TUSC3: variants seen among roughly 807,000 people sequenced by gnomAD.
TUSC3 encodes the protein tumor suppressor candidate 3, also known as dolichyl-diphosphooligosaccharide--protein glycosyltransferase subunit TUSC3.
Under a neutral mutation model 44.8 loss-of-function variants are expected in TUSC3, and 45 were observed. The ratio of observed to expected loss-of-function variants is 1.00; its 90% CI spans 0.79 to 1.29. The LOEUF (loss-of-function observed/expected upper bound fraction) is 1.29. TUSC3 is among the 50% of genes most tolerant of loss of function. The pLI is 0.00. For missense variants in TUSC3, 519 were observed against 437.9 expected (o/e 1.19, Z -1.65); for synonymous variants, 212 against 152.9 (o/e 1.39, Z -2.85).
chr8:15,577,524 C>G (rs1803165135), intron 1 of TUSC3, among the ~76,000 whole-genome samples: 1 of 150,134 alleles, frequency 6.7e-6, no homozygotes, highest in Non-Finnish European at 1.5e-5. Flanking sequence ...TTTCAGCTTT[C>G]TACATATGGC....
At chr8:15,738,827 C>CTTTTTTTTTTCTTTTTTTT (rs1373248681) in intron 7 of TUSC3, among the ~76,000 whole-genome samples, 7 of 87,154 alleles carry the variant, frequency 8.0e-5, no homozygotes, top group East Asian at 3.7e-4. Flanking sequence ...ATATATCTTG[C>CTTTTTTTTTTCTTTTTTTT]TTTTTTTTTT....
intron 2 of TUSC3, among the ~76,000 whole-genome samples, chr8:15,649,494 GA>G (rs2129175105): frequency 6.6e-6 from 1 of 151,754 alleles, no homozygotes; most frequent in Admixed American, 6.6e-5. Context: ...TGAGGCAGGA[GA>G]ATGGCATGAT....
chr8:15,585,246 C>T (rs1354626044), intron 1 of TUSC3, among the ~76,000 whole-genome samples: 1 of 152,080 alleles, frequency 6.6e-6, no homozygotes, highest in Admixed American at 6.6e-5. Context: ...AGATCCATGG[C>T]ATTTGAAGTC....
chr8:15,683,240 T>C (rs1231896166), intron 6 of TUSC3, among the ~76,000 whole-genome samples: 2 of 152,208 alleles, frequency 1.3e-5, no homozygotes, highest in Non-Finnish European at 2.9e-5. Flanking sequence ...TCCTCAAATA[T>C]GTTTTCCATG....
At chr8:15,662,389 A>G in intron 5 of TUSC3, 93 bp downstream of exon 5, 2 of 1,538,814 alleles carry the variant, frequency 1.3e-6, no homozygotes, top group South Asian at 1.1e-5. Flanking sequence ...ATATAACTAT[A>G]ATAGAACTTA....
At chr8:15,445,975 C>G (rs1239733221) in intron 1 of TUSC3, among the ~76,000 whole-genome samples, 2 of 150,798 alleles carry the variant, frequency 1.3e-5, no homozygotes, top group South Asian at 4.2e-4. Flanking sequence ...GCGGATGGGG[C>G]AGCTGCCCGG....
intron 3 of TUSC3, among the ~76,000 whole-genome samples, chr8:15,658,635 T>TACACACAC (rs1210424677): frequency 8.7e-6 from 1 of 114,310 alleles, no homozygotes. Context: ...TATACACATA[T>TACACACAC]ATATACACAC....
rs188152895 is a variant in TUSC3 at position 15,648,032 on chromosome 8, C to T, written c.309-2665C>T. Among the ~76,000 whole-genome samples, 243 of 152,252 alleles carry T rather than the reference C, an allele frequency of 1.6e-3. 3 individuals carry two copies. Among genetic ancestry groups the T allele is most frequent in the South Asian group, 5.0e-3 (24 of 4,830 alleles). On this transcript the variant is annotated intron_variant, in intron 2 of 10. Transcript: ENST00000503731. The stretch of plus-strand genomic sequence containing the variant: ...CTGGGAAATGATTTTAATTTGAAGA[C>T]TTAATCTCCTTTAATTGTATTGTTT...
At chr8:15,431,611 T>C (rs952267332) in intron 1 of TUSC3, among the ~76,000 whole-genome samples, 1 of 148,548 alleles carries the variant, frequency 6.7e-6, no homozygotes, top group African/African-American at 2.6e-5. Flanking sequence ...GGATTATGTC[T>C]TGTACAAACA....
At chr8:15,539,502 C>T (rs1801599675), upstream of TUSC3, among the ~76,000 whole-genome samples, 2 of 151,772 alleles carry the variant, frequency 1.3e-5, no homozygotes, top group South Asian at 4.2e-4. Context: ...CAAGGCGCTC[C>T]ACCATGCCCG....
chr8:15,436,584 C>G (rs576086068), intron 1 of TUSC3, among the ~76,000 whole-genome samples: 2 of 152,138 alleles, frequency 1.3e-5, no homozygotes, highest in South Asian at 4.1e-4. Flanking sequence ...GTATGGAGTA[C>G]AGAGCATGAT....
rs111721231 is a variant in TUSC3, at chr8:15,692,693, C to T, written c.798+18857C>T. Among the ~76,000 whole-genome samples the T allele has an allele frequency of 1.5e-3, 227 of 149,788 alleles. 1 individual carries two copies. Among genetic ancestry groups the T allele is most frequent in the Non-Finnish European group, 2.6e-3 (176 of 67,574 alleles). ...TTTTTTCTATTTCCATGGAGTCAGT[C>T]GTAGCACCCCCTTTGTCATTTCTGA... On this transcript the variant is annotated intron_variant, in intron 6 of 10. Coordinates refer to ENST00000503731, the MANE Select transcript of TUSC3 (RefSeq NM_006765.4).
intron 2 of TUSC3, among the ~76,000 whole-genome samples, chr8:15,489,847 C>T (rs1238798110): frequency 6.6e-6 from 1 of 152,188 alleles, no homozygotes; most frequent in Non-Finnish European, 1.5e-5. Context: ...GGGGTCCATT[C>T]AGTCCCTTGG....
the TUSC3 span, among the ~76,000 whole-genome samples, chr8:15,821,370 T>A: frequency 1.3e-5 from 2 of 151,228 alleles, no homozygotes; most frequent in Non-Finnish European, 3.0e-5. Context: ...TTTTTTTTTT[T>A]TTTTTGGATT....
chr8:15,744,694 C>G (rs1811329748), intron 8 of TUSC3, among the ~76,000 whole-genome samples: 1 of 119,644 alleles, frequency 8.4e-6, no homozygotes, highest in Non-Finnish European at 1.8e-5. Context: ...ATTAAAGAAA[C>G]TACAAAAGAA....
the TUSC3 span, among the ~76,000 whole-genome samples, chr8:15,808,877 A>G: frequency 1.5e-4 from 23 of 152,266 alleles, no homozygotes; most frequent in East Asian, 3.7e-3. Flanking sequence ...AAAAAAGATA[A>G]CATGTATTTA....
intron 1 of TUSC3, among the ~76,000 whole-genome samples, chr8:15,592,736 G>A (rs1803893342): frequency 2.6e-5 from 4 of 152,204 alleles, no homozygotes; most frequent in South Asian, 4.1e-4. Context: ...TTCCTTTATA[G>A]CAATGCAAAA....
At chr8:15,711,142 C>T (rs1002585818) in intron 6 of TUSC3, among the ~76,000 whole-genome samples, 1 of 151,512 alleles carries the variant, frequency 6.6e-6, no homozygotes, top group East Asian at 1.9e-4. Flanking sequence ...CTTGTCCTCT[C>T]CTCTCACTAC....
chr8:15,745,880 T>TC (rs1811393713), intron 8 of TUSC3, among the ~76,000 whole-genome samples: 1 of 151,944 alleles, frequency 6.6e-6, no homozygotes, highest in African/African-American at 2.4e-5. Context: ...GACAGGCATT[T>TC]CCTAGGTTTT....
Sources: allele counts gnomAD v4.1 joint callset (sites outside exome capture counted in the v4.1 genomes callset), GRCh38; gene constraint gnomAD v4.1.1; transcripts MANE v1.5; gene names NCBI Gene and HGNC (gene_info 2026-07-23, HGNC 2026-07-21).